Variants in LOC400499 observed in about 807,000 individuals in gnomAD.
chr16:11,386,612 G>A, the LOC400499 span, among the ~76,000 whole-genome samples: 3 of 152,212 alleles, frequency 2.0e-5, no homozygotes, highest in Non-Finnish European at 4.4e-5. Context: ...CCATATGAGC[G>A]AGCCACGTTG....
chr16:11,503,630 C>T, the LOC400499 span, among the ~76,000 whole-genome samples: 1 of 152,228 alleles, frequency 6.6e-6, no homozygotes, highest in African/African-American at 2.4e-5. Context: ...TCCCTGCACA[C>T]GCAGCTCGAT....
chr16:11,431,607 C>T, the LOC400499 span, among the ~76,000 whole-genome samples: 2 of 152,104 alleles, frequency 1.3e-5, no homozygotes, highest in East Asian at 1.9e-4. Context: ...GGTTTCACCA[C>T]GTTGCCCAGG....
the LOC400499 span, among the ~76,000 whole-genome samples, chr16:11,379,226 C>T: frequency 6.6e-6 from 1 of 152,292 alleles, no homozygotes; most frequent in South Asian, 2.1e-4. Context: ...CCAGCCTGGG[C>T]AACAGAGTGA....
At chr16:11,491,602 G>A in the LOC400499 span, 4 of 379,520 alleles carry the variant, frequency 1.1e-5, no homozygotes, top group African/African-American at 4.2e-5. Context: ...CAAAGGGGTG[G>A]AGGGAGAGGA....
the LOC400499 span, among the ~76,000 whole-genome samples, chr16:11,504,563 A>C: frequency 1.2e-3 from 164 of 140,242 alleles, 1 homozygote; most frequent in East Asian, 1.2e-3. Context: ...CCCCCCCCCC[A>C]AAAAAAAGAC....
At chr16:11,389,436 C>G in the LOC400499 span, among the ~76,000 whole-genome samples, 2 of 152,134 alleles carry the variant, frequency 1.3e-5, no homozygotes, top group African/African-American at 4.8e-5. Flanking sequence ...AATCCCAACA[C>G]TTTGGGAGGC....
the LOC400499 span, among the ~76,000 whole-genome samples, chr16:11,526,284 C>T: frequency 1.3e-5 from 2 of 152,172 alleles, no homozygotes; most frequent in Non-Finnish European, 1.5e-5. Context: ...TATTATAAGA[C>T]TTTCAGCCTG....
chr16:11,526,745 T>G, the LOC400499 span, among the ~76,000 whole-genome samples: 1 of 152,224 alleles, frequency 6.6e-6, no homozygotes, highest in Non-Finnish European at 1.5e-5. Flanking sequence ...AATGTCTCAC[T>G]CTGTCGCCCA....
At chr16:11,487,483 A>G in the LOC400499 span, 1 of 397,216 alleles carries the variant, frequency 2.5e-6, no homozygotes, top group Non-Finnish European at 4.4e-6. Context: ...GGCCAGATAC[A>G]TGGTGTGTCT....
the LOC400499 span, among the ~76,000 whole-genome samples, chr16:11,430,268 T>C: frequency 6.6e-6 from 1 of 152,080 alleles, no homozygotes; most frequent in Non-Finnish European, 1.5e-5. Flanking sequence ...GATCGATCAC[T>C]TGAGGCCAGG....
At chr16:11,525,233 C>T in the LOC400499 span, among the ~76,000 whole-genome samples, 4 of 150,510 alleles carry the variant, frequency 2.7e-5, no homozygotes, top group Admixed American at 1.3e-4. Flanking sequence ...GAGCCGAGAT[C>T]GCACCACTGC....
the LOC400499 span, among the ~76,000 whole-genome samples, chr16:11,521,703 A>G: frequency 6.6e-6 from 1 of 151,844 alleles, no homozygotes; most frequent in Non-Finnish European, 1.5e-5. Flanking sequence ...AACTCCCCCA[A>G]CCTGCCCTAA....
the LOC400499 span, chr16:11,384,093 C>T: frequency 1.6e-6 from 2 of 1,229,512 alleles, no homozygotes; most frequent in South Asian, 4.2e-5. Context: ...AGACTTCCCC[C>T]AAACCCTGGG....
At chr16:11,460,365 T>A in the LOC400499 span, 3 of 1,263,894 alleles carry the variant, frequency 2.4e-6, no homozygotes, top group Non-Finnish European at 3.2e-6. Flanking sequence ...CCCATATGGC[T>A]ATGTGATTGT....
chr16:11,520,026 T>G, the LOC400499 span, among the ~76,000 whole-genome samples: 2 of 152,068 alleles, frequency 1.3e-5, no homozygotes, highest in African/African-American at 4.8e-5. Flanking sequence ...TTATATGAGG[T>G]ACCTAAAAAC....
chr16:11,502,183 G>T, the LOC400499 span: 1 of 399,132 alleles, frequency 2.5e-6, no homozygotes, highest in Non-Finnish European at 4.4e-6. Context: ...TCCATGGCCT[G>T]CGATTCAGAG....
chr16:11,501,636 G>C, the LOC400499 span, among the ~76,000 whole-genome samples: 41 of 152,178 alleles, frequency 2.7e-4, no homozygotes, highest in African/African-American at 9.4e-4. Context: ...TCCCCTCTGA[G>C]ATTGGGAGTC....
the LOC400499 span, among the ~76,000 whole-genome samples, chr16:11,416,511 G>C: frequency 3.3e-5 from 5 of 152,168 alleles, 1 homozygote; most frequent in South Asian, 1.0e-3. Context: ...GCACCCATTC[G>C]ATACCTACTA....
At chr16:11,487,847 G>C in the LOC400499 span, among the ~76,000 whole-genome samples, 1 of 152,186 alleles carries the variant, frequency 6.6e-6, no homozygotes, top group African/African-American at 2.4e-5. Context: ...CAGGCACAGT[G>C]GCTCATGCCT....
Sources: allele counts gnomAD v4.1 joint callset (sites outside exome capture counted in the v4.1 genomes callset), GRCh38; gene constraint gnomAD v4.1.1; transcripts MANE v1.5.